The following ZNF569 variants were observed in gnomAD, a reference collection of about 807,000 sequenced individuals.
ZNF569 encodes the protein zinc finger protein 569, also known as DNA-binding protein.
In ZNF569, 38 loss-of-function variants were observed where a neutral mutation model predicts 56.3. The observed-to-expected ratio is 0.68, with a 90% CI of 0.52 to 0.88. ZNF569 has a LOEUF of 0.88. ZNF569 is among the 40% of genes least tolerant of loss of function. The pLI is 0.00. For missense variants in ZNF569, 666 were observed against 809.2 expected (o/e 0.82, Z 2.15); for synonymous variants, 241 against 262.9 (o/e 0.92, Z 0.81).
Position 37,413,619 on chromosome 19 carries a change from T to C in ZNF569, c.1039A>G (p.Ser347Gly), listed in dbSNP as rs2040877849. The C allele has an allele frequency of 1.2e-6, 2 of 1,613,872 alleles. No individual in the cohort carries two copies. The highest frequency in any genetic ancestry group is 1.7e-5 in the Admixed American group (1 of 60,002). ...RIASLALHMR[S>G]HTGEKPYKCD... is the part of the protein sequence containing the mutation. ...TTATAAGGTTTTTCTCCTGTATGAC[T>C]TCTCATATGAAGAGCAAGGGATGCA... is the stretch of plus-strand genomic sequence containing the variant. Residue 347 changes from serine (S) to glycine (G), a missense_variant, in exon 6 of 6, where the codon AGT (serine) becomes GGT (glycine). Physicochemically the swap from Ser to Gly is moderately conservative, Grantham distance 56 (BLOSUM62 0). Coordinates refer to ENST00000316950, the MANE Select transcript of ZNF569 (RefSeq NM_152484.3).
chr19:37,432,303 C>G lies in ZNF569; in HGVS notation c.16-5925G>C, dbSNP rs557648268. ...ACAGGGGTGCTTGTGTCACCCCTCC[C>G]CTAGCTCCAGGCAACTCAGCACAGA... On this transcript the variant is annotated intron_variant, in intron 3 of 5. Coordinates refer to ENST00000316950, the MANE Select transcript of ZNF569 (RefSeq NM_152484.3). Among the ~76,000 whole-genome samples, 32 of 152,278 alleles carry G rather than the reference C, an allele frequency of 2.1e-4. No individual in the cohort carries two copies. In the East Asian group the frequency reaches 4.8e-3, roughly 23 times the overall value.
chr19:37,420,432 C>G (rs2041015705), intron 5 of ZNF569, among the ~76,000 whole-genome samples: 2 of 152,268 alleles, frequency 1.3e-5, no homozygotes, highest in Non-Finnish European at 1.5e-5. Context: ...TCAAATCCTA[C>G]CACTGCTTTA....
intron 3 of ZNF569, among the ~76,000 whole-genome samples, chr19:37,438,958 CAA>C (rs1391742029): frequency 2.6e-5 from 4 of 152,108 alleles, no homozygotes; most frequent in Non-Finnish European, 5.9e-5. Flanking sequence ...AGACATTTCT[CAA>C]AGGACATACA....
chr19:37,415,268 T>C (rs1247100383), intron 5 of ZNF569, among the ~76,000 whole-genome samples: 2 of 152,064 alleles, frequency 1.3e-5, no homozygotes, highest in East Asian at 1.9e-4. Context: ...TATATTACTA[T>C]AAATAAATTA....
At position 37,413,354 on chromosome 19, in the gene ZNF569, T is replaced by C; in HGVS notation, c.1304A>G (p.Glu435Gly). Residue 435 changes from glutamate to glycine, a missense_variant, in exon 6 of 6, where the codon GAG becomes GGG. By Grantham distance (98) the Glu-to-Gly change is moderately conservative. Coordinates refer to ENST00000316950, the MANE Select transcript of ZNF569 (RefSeq NM_152484.3). ...FITHQKIHTR[E>G]KPYECNECGK... ...ACATTCATTACACTCATAAGGTTTC[T>C]CTCTAGTATGAATTTTCTGGTGTGT... 6.2e-7 allele frequency: 1 copy of C among 1,607,738 alleles called. No homozygotes were observed. The highest frequency in any genetic ancestry group is 8.5e-7 in the Non-Finnish European group (1 of 1,178,112).
intron 5 of ZNF569, among the ~76,000 whole-genome samples, chr19:37,421,917 T>C (rs2041044499): frequency 1.8e-5 from 2 of 108,762 alleles, no homozygotes; most frequent in African/African-American, 3.1e-5. Context: ...ATCCGGCTAA[T>C]TTCTGTATTT....
intron 3 of ZNF569, among the ~76,000 whole-genome samples, chr19:37,441,110 AGAG>A (rs1463842933): frequency 4.6e-5 from 7 of 152,208 alleles, no homozygotes; most frequent in African/African-American, 1.4e-4. Flanking sequence ...AAGGAAAGAC[AGAG>A]GAGAAGATGA....
Position 37,422,589 on chromosome 19 carries a change from T to TA in ZNF569, c.238+3278dup, listed in dbSNP as rs576741428. Among the ~76,000 whole-genome samples, 42 of 152,144 alleles carry TA rather than the reference T, an allele frequency of 2.8e-4. No individual in the cohort carries two copies. In the South Asian group the frequency reaches 7.7e-3, roughly 28 times the overall value. ...AGGGCTGCCACAAGCCTTCAATTTA[T>TA]AAAAAAATGCAACATTTGCCAAGCA... On this transcript the variant is annotated intron_variant, in intron 5 of 5. Coordinates refer to ENST00000316950, the MANE Select transcript of ZNF569 (RefSeq NM_152484.3).
intron 3 of ZNF569, among the ~76,000 whole-genome samples, chr19:37,444,458 T>G (rs559466067): frequency 6.6e-6 from 1 of 152,342 alleles, no homozygotes; most frequent in Admixed American, 6.5e-5. Flanking sequence ...AATTTTCATT[T>G]GCATTGTTTC....
chr19:37,427,444 A>G (rs759082071), intron 3 of ZNF569, among the ~76,000 whole-genome samples: 3 of 152,252 alleles, frequency 2.0e-5, no homozygotes, highest in Admixed American at 6.5e-5. Context: ...GTATATGAAC[A>G]TAAGAAAAAA....
chr19:37,433,018 C>T (rs1425126897), intron 3 of ZNF569, among the ~76,000 whole-genome samples: 2 of 151,422 alleles, frequency 1.3e-5, no homozygotes, highest in Admixed American at 6.6e-5. Flanking sequence ...ATCCTCCTAC[C>T]TCAGCCTCCC....
chr19:37,465,157 T>C (rs2041811065), intron 2 of ZNF569, among the ~76,000 whole-genome samples, 156 bp downstream of exon 2: 1 of 152,248 alleles, frequency 6.6e-6, no homozygotes, highest in African/African-American at 2.4e-5. Context: ...GCTCCTTTAC[T>C]TCCTTCATAT....
At chr19:37,468,150 G>A (rs1269964703), upstream of ZNF569, 4 of 575,442 alleles carry the variant, frequency 7.0e-6, no homozygotes, top group Admixed American at 6.4e-5. Flanking sequence ...GCAGCGGCGC[G>A]ATGTTGGCTC....
chr19:37,432,868 G>A (rs1193397471), intron 3 of ZNF569, among the ~76,000 whole-genome samples: 1 of 146,632 alleles, frequency 6.8e-6, no homozygotes, highest in Non-Finnish European at 1.5e-5. Flanking sequence ...TTCTGGAGCT[G>A]AAAAATGCAA....
Position 37,465,308 on chromosome 19 carries a change from C to T in ZNF569, c.-44+5G>A, listed in dbSNP as rs1191882783. The T allele has an allele frequency of 6.6e-6, 1 of 152,186 alleles. No individual in the cohort carries two copies. The highest frequency in any genetic ancestry group is 1.5e-5 in the Non-Finnish European group (1 of 68,030). The allele number at this position is 152,186 out of a possible 1,614,324, so 9.4% of individuals were successfully genotyped here. The stretch of plus-strand genomic sequence containing the variant: ...TTTAAAATACTTCATACTTAATTTA[C>T]TTACCTTGTTTATTATCCAGCCCAC... On this transcript the variant is annotated splice_donor_5th_base_variant and intron_variant, in intron 2 of 5. Transcript: ENST00000316950.
intron 3 of ZNF569, among the ~76,000 whole-genome samples, chr19:37,438,815 C>T (rs954467957): frequency 6.6e-6 from 1 of 151,986 alleles, no homozygotes; most frequent in Non-Finnish European, 1.5e-5. Context: ...GAAGAGGCAA[C>T]CCACAAAATG....
At chr19:37,455,324 A>C (rs1251715730) in intron 2 of ZNF569, among the ~76,000 whole-genome samples, 1 of 152,204 alleles carries the variant, frequency 6.6e-6, no homozygotes, top group Non-Finnish European at 1.5e-5. Context: ...AATTGAGGAA[A>C]TACTTTAGAA....
intron 3 of ZNF569, 149 bp from the exon 4 acceptor site, chr19:37,426,527 AT>A: frequency 1.2e-6 from 1 of 820,480 alleles, no homozygotes; most frequent in Non-Finnish European, 1.7e-6. Context: ...TCATTCACTG[AT>A]TAGCAAGCAC....
At chr19:37,427,919 G>A (rs2041162504) in intron 3 of ZNF569, 2 of 391,128 alleles carry the variant, frequency 5.1e-6, no homozygotes, top group South Asian at 2.0e-5. Flanking sequence ...AAGAACATGA[G>A]CACATAAGAA....
Sources: gnomAD v4.1 joint callset for allele counts (sites outside exome capture counted in the v4.1 genomes callset) on GRCh38, gnomAD v4.1.1 for gene constraint, MANE v1.5 for transcripts, NCBI Gene and HGNC (gene_info 2026-07-23, HGNC 2026-07-21) for gene names.